The following TM2D1 variants were observed in gnomAD, a reference collection of about 807,000 sequenced individuals.
The protein encoded by TM2D1 is TM2 domain-containing protein 1.
Under a neutral mutation model 28.4 loss-of-function variants are expected in TM2D1, and 15 were observed. The ratio of observed to expected loss-of-function variants is 0.53; its 90% CI spans 0.35 to 0.81. TM2D1 has a LOEUF of 0.81. TM2D1 is among the 40% of genes least tolerant of loss of function. The pLI, the probability that TM2D1 is intolerant of heterozygous loss-of-function variation, is 0.01. For missense variants in TM2D1, 236 were observed against 254.9 expected (o/e 0.93, Z 0.50); for synonymous variants, 93 against 96.2 (o/e 0.97, Z 0.20).
intron 5 of TM2D1, among the ~76,000 whole-genome samples, chr1:61,685,728 G>T (rs998558478): frequency 3.9e-5 from 6 of 152,192 alleles, no homozygotes; most frequent in African/African-American, 1.4e-4. Flanking sequence ...TTATTTATGA[G>T]TTTACATAAA....
At position 61,709,381 on chromosome 1, in the gene TM2D1, G is replaced by A; in HGVS notation, c.295C>T (p.His99Tyr). 1.9e-6 allele frequency: 3 copies of A among 1,600,076 alleles called. No homozygotes were observed. Among genetic ancestry groups the A allele is most frequent in the Non-Finnish European group, 2.6e-6 (3 of 1,170,806 alleles). Residue 99 changes from histidine to tyrosine, a missense_variant, in exon 3 of 7, where the codon CAT becomes TAT. By Grantham distance (83) the His-to-Tyr change is moderately conservative. This residue lies in a region of TM2D1 where 167 missense variants were observed against 162.7 expected (regional missense o/e 1.03). Coordinates refer to ENST00000606498, the MANE Select transcript of TM2D1 (RefSeq NM_032027.3). ...AAACCAACTTCGTTCCCAGTAAAAT[G>A]TGTTTCATTGCCACTGGAATCCTTA... ...TCKDSSGNET[H>Y]FTGNEVGFFK...
chr1:61,714,211 T>G (rs1644500682), intron 2 of TM2D1, among the ~76,000 whole-genome samples: 1 of 149,590 alleles, frequency 6.7e-6, no homozygotes, highest in Non-Finnish European at 1.5e-5. Context: ...CAAATATTTC[T>G]AGGTGAGTTG....
rs1018436517 is a variant in TM2D1, at chr1:61,691,901, A to G, written c.513+2796T>C. ...CTGCACTCCAGCCTGGGCGACGAAA[A>G]CTCCATCTCAAAAAAAACTTAAAAA... On this transcript the variant is annotated intron_variant, in intron 5 of 6. Transcript: ENST00000606498. Among the ~76,000 whole-genome samples, 109 of 133,350 alleles carry G rather than the reference A, an allele frequency of 8.2e-4. 1 individual carries two copies. The highest frequency in any genetic ancestry group is 2.1e-3 in the Admixed American group (25 of 12,118). The allele number at this position is 133,350 out of a possible 152,430, so 87.5% of individuals were successfully genotyped here.
intron 4 of TM2D1, 102 bp from the exon 5 acceptor site, chr1:61,694,872 T>G: frequency 1.9e-5 from 9 of 473,056 alleles, no homozygotes; most frequent in Non-Finnish European, 2.5e-5. Flanking sequence ...TATATCACAC[T>G]CTTTATATCA....
intron 2 of TM2D1, among the ~76,000 whole-genome samples, chr1:61,719,122 T>G (rs1380404965): frequency 2.6e-5 from 4 of 152,156 alleles, no homozygotes; most frequent in Non-Finnish European, 5.9e-5. Context: ...CAGGCTAGAG[T>G]GCACTGACAC....
intron 4 of TM2D1, among the ~76,000 whole-genome samples, chr1:61,696,638 G>A (rs986132581): frequency 6.6e-6 from 1 of 151,958 alleles, no homozygotes; most frequent in Non-Finnish European, 1.5e-5. Flanking sequence ...ATGAAGAATA[G>A]GTAATCACAT....
At chr1:61,706,834 A>AAAGAAAGAAAGAAAGAAAG (rs1644444815) in intron 3 of TM2D1, among the ~76,000 whole-genome samples, 11 of 146,376 alleles carry the variant, frequency 7.5e-5, no homozygotes, top group Non-Finnish European at 9.0e-5. Flanking sequence ...TGTCTTAAAA[A>AAAGAAAGAAAGAAAGAAAG]AAAGAAAGAA....
rs75523157 is a variant in TM2D1 at position 61,718,475 on chromosome 1, T to C, written c.238+5238A>G. On this transcript the variant is annotated intron_variant, in intron 2 of 6. Transcript: ENST00000606498. ...TTATGGAATGAGGTGTTGACCAGTC[T>C]ATAAAAAAAGAATAGTTCAGGCCAG... 7.5e-4 allele frequency among the ~76,000 whole-genome samples: 114 copies of C among 152,290 alleles called. 3 individuals are homozygous for C. The East Asian group carries it at 0.021, about 28-fold the overall frequency.
intron 2 of TM2D1, among the ~76,000 whole-genome samples, chr1:61,715,862 C>T (rs112568169): frequency 0.035 from 5,319 of 150,340 alleles, 312 homozygotes; most frequent in African/African-American, 0.12. Flanking sequence ...AGTACAGTGG[C>T]GCGATCTCGG....
At chr1:61,687,264 G>C (rs368442562) in intron 5 of TM2D1, among the ~76,000 whole-genome samples, 43 of 152,230 alleles carry the variant, frequency 2.8e-4, no homozygotes, top group African/African-American at 9.4e-4. Flanking sequence ...AGAAGGGGAA[G>C]GAAGCTATTA....
intron 5 of TM2D1, among the ~76,000 whole-genome samples, chr1:61,687,964 C>G (rs1302747924): frequency 1.3e-5 from 2 of 152,226 alleles, no homozygotes; most frequent in Admixed American, 6.5e-5. Context: ...TATTTCACTT[C>G]TGTGTGTGAC....
intron 3 of TM2D1, 65 bp downstream of exon 3, chr1:61,709,264 T>G: frequency 1.0e-6 from 1 of 983,206 alleles, no homozygotes; most frequent in Non-Finnish European, 1.6e-6. Context: ...ATCTCCTCTC[T>G]TCATGCAATG....
At chr1:61,708,254 G>A (rs965579704) in intron 3 of TM2D1, among the ~76,000 whole-genome samples, 4 of 151,992 alleles carry the variant, frequency 2.6e-5, no homozygotes, top group South Asian at 2.1e-4. Context: ...TCCCTACTTT[G>A]CCCAGGTTGG....
At chr1:61,721,107 T>A (rs1407145253) in intron 2 of TM2D1, among the ~76,000 whole-genome samples, 1 of 152,020 alleles carries the variant, frequency 6.6e-6, no homozygotes, top group Non-Finnish European at 1.5e-5. Flanking sequence ...GGCATGTACC[T>A]GTAGTCCCAG....
chr1:61,708,922 T>C (rs1279296354), intron 3 of TM2D1, among the ~76,000 whole-genome samples: 2 of 151,864 alleles, frequency 1.3e-5, no homozygotes, highest in African/African-American at 4.8e-5. Context: ...CCCAGCACTT[T>C]GAGAGGCCGA....
chr1:61,714,934 C>T (rs371899598), intron 2 of TM2D1, among the ~76,000 whole-genome samples: 2 of 152,106 alleles, frequency 1.3e-5, no homozygotes, highest in African/African-American at 4.8e-5. Context: ...TTTCTAATAG[C>T]TGCTTTGTAT....
intron 2 of TM2D1, among the ~76,000 whole-genome samples, chr1:61,718,050 G>A (rs1274977045): frequency 6.6e-6 from 1 of 152,126 alleles, no homozygotes; most frequent in Non-Finnish European, 1.5e-5. Context: ...AGGTGTGGTG[G>A]CTCACAACTG....
intron 2 of TM2D1, among the ~76,000 whole-genome samples, chr1:61,718,399 C>A (rs1220311525): frequency 2.6e-5 from 4 of 152,096 alleles, no homozygotes; most frequent in Non-Finnish European, 5.9e-5. Flanking sequence ...GGAAAATAAT[C>A]ATTTTGCAAC....
rs76549018 is a variant in TM2D1, at chr1:61,693,845, C to G, written c.513+852G>C. On this transcript the variant is annotated intron_variant, in intron 5 of 6. Coordinates refer to ENST00000606498, the MANE Select transcript of TM2D1 (RefSeq NM_032027.3). ...AAAGACGTTAGGTGCTCCATAAATG[C>G]TTGTTGAAATGCTGTTTGTCAACAT... Among the ~76,000 whole-genome samples the G allele has an allele frequency of 4.2e-3, 647 of 152,314 alleles. 2 individuals are homozygous for G. Among genetic ancestry groups the G allele is most frequent in the South Asian group, 7.5e-3 (36 of 4,830 alleles).
Sources: allele counts gnomAD v4.1 joint callset (sites outside exome capture counted in the v4.1 genomes callset), GRCh38; gene constraint gnomAD v4.1.1; regional missense constraint gnomAD v4.1.1; transcripts MANE v1.5; gene names NCBI Gene and HGNC (gene_info 2026-07-23, HGNC 2026-07-21).